Variants in PTPRD observed in about 807,000 individuals in gnomAD.
PTPRD encodes protein tyrosine phosphatase receptor type D.
In PTPRD, 34 loss-of-function variants were observed where a neutral mutation model predicts 214.5. That is an observed-to-expected ratio of 0.16 (90% CI 0.12 to 0.21). PTPRD has a LOEUF of 0.21. Ranked by LOEUF, PTPRD falls within the 10% of genes least tolerant of loss-of-function variation. PTPRD has a pLI of 1.00. For missense variants in PTPRD, 2,545 were observed against 2,398.7 expected, an observed-to-expected ratio of 1.06 and a Z score of -1.27; for synonymous variants, 1,128 against 845.7, an observed-to-expected ratio of 1.33 and a Z score of -5.79.
At chr9:9,798,958 C>T (rs1481058378) in intron 5 of PTPRD, among the ~76,000 whole-genome samples, 1 of 152,052 alleles carries the variant, frequency 6.6e-6, no homozygotes, top group Non-Finnish European at 1.5e-5. Context: ...GCTTTGTTCT[C>T]AAAAATATTT....
At chr9:9,028,662 T>C (rs566333272) in intron 10 of PTPRD, among the ~76,000 whole-genome samples, 1 of 152,016 alleles carries the variant, frequency 6.6e-6, no homozygotes, top group East Asian at 1.9e-4. Context: ...TGATATGAGG[T>C]ACAGAGAGAA....
At chr9:9,303,105 C>T (rs931654127) in intron 9 of PTPRD, among the ~76,000 whole-genome samples, 1 of 151,850 alleles carries the variant, frequency 6.6e-6, no homozygotes, top group African/African-American at 2.4e-5. Flanking sequence ...AAAATTACCC[C>T]CCAAATCAAT....
At chr9:10,165,011 C>A (rs1006998579) in intron 3 of PTPRD, among the ~76,000 whole-genome samples, 2 of 151,560 alleles carry the variant, frequency 1.3e-5, no homozygotes, top group African/African-American at 4.8e-5. Context: ...AAGAAAATTG[C>A]CTCATCTTTG....
At chr9:8,463,946 A>G (rs971602680) in intron 32 of PTPRD, among the ~76,000 whole-genome samples, 1 of 152,012 alleles carries the variant, frequency 6.6e-6, no homozygotes, top group African/African-American at 2.4e-5. Context: ...TATAAAGAAA[A>G]TAAATATCAT....
At chr9:9,466,215 G>A (rs1433933770) in intron 8 of PTPRD, among the ~76,000 whole-genome samples, 2 of 152,058 alleles carry the variant, frequency 1.3e-5, no homozygotes, top group Non-Finnish European at 1.5e-5. Flanking sequence ...AGGCTGAGGT[G>A]GGAGGATTGC....
intron 5 of PTPRD, among the ~76,000 whole-genome samples, chr9:9,936,087 T>C (rs1374658129): frequency 6.8e-6 from 1 of 146,678 alleles, no homozygotes; most frequent in Non-Finnish European, 1.5e-5. Context: ...TCAAGATGGA[T>C]TAAAGACTTA....
In PTPRD at chr9:8,454,582, G is replaced by A. The variant is rs2096105146; in HGVS notation, c.3876-4745C>T. Reference sequence around the variant, plus strand: ...GGGGTTTGTTCTCTATTCCTCACCTGTCGGGTTTACTGCTCCATTTTAATG... The same window carrying A: ...GGGGTTTGTTCTCTATTCCTCACCTATCGGGTTTACTGCTCCATTTTAATG... On this transcript the variant is annotated intron_variant, in intron 33 of 45. Transcript: ENST00000381196. 1 of 1,612,902 alleles carries A rather than the reference G, an allele frequency of 6.2e-7. No homozygotes were observed. The highest frequency in any genetic ancestry group is 8.5e-7 in the Non-Finnish European group (1 of 1,179,666).
intron 8 of PTPRD, among the ~76,000 whole-genome samples, chr9:9,560,277 C>T (rs769412512): frequency 1.3e-5 from 2 of 152,186 alleles, no homozygotes; most frequent in Non-Finnish European, 2.9e-5. Flanking sequence ...CACCCCTGGA[C>T]CTAATAGCTT....
At chr9:9,825,102 C>A (rs1231838895) in intron 5 of PTPRD, among the ~76,000 whole-genome samples, 1 of 151,810 alleles carries the variant, frequency 6.6e-6, no homozygotes, top group South Asian at 2.1e-4. Context: ...TCTGATACTG[C>A]AGTTTTTATG....
intron 5 of PTPRD, among the ~76,000 whole-genome samples, chr9:9,878,583 TAA>T (rs1025722617): frequency 1.3e-5 from 2 of 152,200 alleles, no homozygotes; most frequent in African/African-American, 4.8e-5. Context: ...TTTAGACCTA[TAA>T]GAGTAAGGTC....
chr9:9,677,832 C>G (rs1031176387), intron 7 of PTPRD, among the ~76,000 whole-genome samples: 17 of 152,168 alleles, frequency 1.1e-4, no homozygotes, highest in African/African-American at 4.1e-4. Flanking sequence ...ATCATCTCAG[C>G]CCAAAATCTC....
At chr9:9,002,177 T>G (rs112412548) in intron 11 of PTPRD, among the ~76,000 whole-genome samples, 1 of 151,970 alleles carries the variant, frequency 6.6e-6, no homozygotes, top group Non-Finnish European at 1.5e-5. Flanking sequence ...GATAGGATAT[T>G]TATCTCCAGA....
At chr9:10,029,433 G>C (rs760798945) in intron 4 of PTPRD, among the ~76,000 whole-genome samples, 3 of 152,210 alleles carry the variant, frequency 2.0e-5, no homozygotes, top group Non-Finnish European at 4.4e-5. Flanking sequence ...TGTGAAAGCA[G>C]CTGGGAGGGA....
At chr9:8,493,544 C>CCTAGATA (rs2097192981) in intron 26 of PTPRD, among the ~76,000 whole-genome samples, 1 of 152,070 alleles carries the variant, frequency 6.6e-6, no homozygotes, top group African/African-American at 2.4e-5. Context: ...TGTTGTTGGA[C>CCTAGATA]CTAGATACCC....
At chr9:9,084,931 G>GA (rs2099764818) in intron 10 of PTPRD, among the ~76,000 whole-genome samples, 2 of 152,168 alleles carry the variant, frequency 1.3e-5, no homozygotes, top group Admixed American at 1.3e-4. Flanking sequence ...ATAAAATGAA[G>GA]AAAACTTTTC....
intron 2 of PTPRD, among the ~76,000 whole-genome samples, chr9:10,400,890 T>C (rs1020636154): frequency 2.0e-5 from 3 of 151,632 alleles, no homozygotes; most frequent in Admixed American, 1.3e-4. Flanking sequence ...TCAATGCTAT[T>C]TAACTATTTC....
intron 2 of PTPRD, among the ~76,000 whole-genome samples, chr9:10,343,342 G>A (rs1316314595): frequency 2.0e-5 from 3 of 152,106 alleles, no homozygotes. Context: ...ATTCCATGGT[G>A]TATATGTGCC....
At chr9:8,386,058 A>C (rs574238015) in intron 37 of PTPRD, among the ~76,000 whole-genome samples, 1 of 152,332 alleles carries the variant, frequency 6.6e-6, no homozygotes, top group East Asian at 1.9e-4. Flanking sequence ...TCTTTACCAA[A>C]CAATACCATT....
chr9:9,373,807 A>C (rs774860337), intron 9 of PTPRD, among the ~76,000 whole-genome samples: 1 of 152,130 alleles, frequency 6.6e-6, no homozygotes, highest in African/African-American at 2.4e-5. Flanking sequence ...TAGGACTTGG[A>C]AATCTCTGGG....
Sources: gnomAD v4.1 joint callset for allele counts (sites outside exome capture counted in the v4.1 genomes callset) on GRCh38, gnomAD v4.1.1 for gene constraint, MANE v1.5 for transcripts, NCBI Gene and HGNC (gene_info 2026-07-23, HGNC 2026-07-21) for gene names.